TENM3: variants seen among roughly 807,000 people sequenced by gnomAD.
TENM3 encodes teneurin-3.
Under a neutral mutation model 255.1 loss-of-function variants are expected in TENM3, and 63 were observed. That is an observed-to-expected ratio of 0.25 (90% CI 0.20 to 0.30). TENM3 has a LOEUF of 0.30. Ranked by LOEUF, TENM3 falls within the 10% of genes least tolerant of loss-of-function variation. The probability of loss-of-function intolerance (pLI) is 1.00; values close to 1 mark genes in which losing one functional copy is unlikely to be tolerated. For missense variants in TENM3, 2,929 were observed against 3,461.1 expected, an observed-to-expected ratio of 0.85 and a Z score of 3.86; for synonymous variants, 1,306 against 1,322.3, an observed-to-expected ratio of 0.99 and a Z score of 0.27.
the TENM3 span, among the ~76,000 whole-genome samples, chr4:182,003,569 C>A: frequency 6.6e-6 from 1 of 151,968 alleles, no homozygotes; most frequent in African/African-American, 2.4e-5. Flanking sequence ...TTTTTGCAAG[C>A]AGATGCTTGA....
At chr4:181,916,157 A>G in the TENM3 span, among the ~76,000 whole-genome samples, 72 of 152,058 alleles carry the variant, frequency 4.7e-4, no homozygotes, top group Non-Finnish European at 1.0e-4. Context: ...CCCTTGGGAA[A>G]TGCCCCACTT....
intron 3 of TENM3, among the ~76,000 whole-genome samples, chr4:182,545,410 A>G (rs10019626): frequency 0.034 from 5,218 of 151,678 alleles, 288 homozygotes; most frequent in African/African-American, 0.12. Flanking sequence ...GCCACTCTCC[A>G]TTACCTCTTG....
chr4:182,731,177 A>T, intron 16 of TENM3, 38 bp downstream of exon 16: 1 of 1,592,922 alleles, frequency 6.3e-7, no homozygotes, highest in Non-Finnish European at 8.6e-7. Flanking sequence ...TAAATACAAG[A>T]TCTTCAGATC....
chr4:182,400,212 G>A (rs1769130607), intron 3 of TENM3, among the ~76,000 whole-genome samples: 2 of 152,160 alleles, frequency 1.3e-5, no homozygotes, highest in East Asian at 1.9e-4. Flanking sequence ...CAGAACACAC[G>A]TACAATTTTC....
At chr4:182,446,445 T>C (rs1040337222) in intron 3 of TENM3, among the ~76,000 whole-genome samples, 5 of 152,228 alleles carry the variant, frequency 3.3e-5, no homozygotes, top group Non-Finnish European at 4.4e-5. Context: ...AGGATCAGTC[T>C]TCTTGAGATT....
In TENM3 at chr4:182,173,720, A is replaced by C. The variant is rs370600777; in HGVS notation, c.-76+28966A>C. ...CGTGAACTTGACACTGGGGTTGGAA[A>C]TGAGTCCTGAGATATGGGAAATAGA... On this transcript the variant is annotated intron_variant, in intron 1 of 2. Coordinates refer to the TENM3 transcript ENST00000512480. Among the ~76,000 whole-genome samples the C allele has an allele frequency of 5.9e-5, 9 of 152,326 alleles. 1 individual carries two copies. The South Asian group carries it at 1.4e-3, about 25-fold the overall frequency.
chr4:182,335,980 C>T (rs747477885), intron 2 of TENM3, among the ~76,000 whole-genome samples: 7 of 152,146 alleles, frequency 4.6e-5, no homozygotes, highest in Non-Finnish European at 7.3e-5. Context: ...TTCTACATCC[C>T]TACTATACAG....
At chr4:182,327,148 A>G (rs542301842) in intron 2 of TENM3, among the ~76,000 whole-genome samples, 53 of 152,292 alleles carry the variant, frequency 3.5e-4, no homozygotes, top group African/African-American at 1.1e-3. Flanking sequence ...ACAAATGTCA[A>G]TTTTTTCTCA....
At chr4:182,407,071 G>A (rs564517201) in intron 3 of TENM3, among the ~76,000 whole-genome samples, 15 of 152,114 alleles carry the variant, frequency 9.9e-5, no homozygotes, top group Non-Finnish European at 1.5e-4. Flanking sequence ...TCCATGGTTC[G>A]ACTGTAAAAT....
chr4:182,105,950 G>A, the TENM3 span, among the ~76,000 whole-genome samples: 15 of 152,302 alleles, frequency 9.8e-5, no homozygotes, highest in East Asian at 3.9e-4. Context: ...TGCATGTAAC[G>A]AAACTGCACT....
At chr4:182,202,070 A>G (rs1332502214) in intron 1 of TENM3, among the ~76,000 whole-genome samples, 1 of 152,166 alleles carries the variant, frequency 6.6e-6, no homozygotes, top group African/African-American at 2.4e-5. Context: ...TCATTCAACA[A>G]AGGAAACAAG....
the TENM3 span, among the ~76,000 whole-genome samples, chr4:181,627,463 C>A: frequency 5.9e-5 from 9 of 152,092 alleles, no homozygotes; most frequent in Non-Finnish European, 5.9e-5. Context: ...TTAGGTATAT[C>A]TCCTAATGTT....
chr4:182,573,447 A>T (rs1744605062), intron 3 of TENM3, among the ~76,000 whole-genome samples: 2 of 152,196 alleles, frequency 1.3e-5, no homozygotes, highest in South Asian at 4.1e-4. Context: ...CAAATCCCTC[A>T]CATCATATTT....
chr4:182,594,683 G>GGGGTGT (rs1289744680), intron 3 of TENM3, among the ~76,000 whole-genome samples: 1 of 138,166 alleles, frequency 7.2e-6, no homozygotes, highest in African/African-American at 2.8e-5. Context: ...TTTTTGTTTT[G>GGGGTGT]GTGTGTGTGT....
At chr4:181,694,777 C>T in the TENM3 span, among the ~76,000 whole-genome samples, 121,312 of 152,128 alleles carry the variant, frequency 0.8, 48,575 homozygotes, top group Admixed American at 0.88. Flanking sequence ...CAACTTTCTC[C>T]CTTATTCGGT....
At chr4:181,758,648 G>A in the TENM3 span, among the ~76,000 whole-genome samples, 1 of 152,150 alleles carries the variant, frequency 6.6e-6, no homozygotes, top group Non-Finnish European at 1.5e-5. Flanking sequence ...GAATCACTGC[G>A]ATTTTTGTAT....
In TENM3 at chr4:182,680,588, G is replaced by T. The variant is rs781450304; in HGVS notation, c.1685G>T (p.Gly562Val). 2 of 1,613,804 alleles carry T rather than the reference G, an allele frequency of 1.2e-6. No individual in the cohort carries two copies. Among genetic ancestry groups the T allele is most frequent in the South Asian group, 2.2e-5 (2 of 91,056 alleles). ...LCSGNGQYSK[G>V]RCLCFSGWKG... is the part of the protein sequence containing the mutation. ...AGTGGCAACGGGCAGTACTCCAAGG[G>T]CCGCTGCCTGTGTTTCAGCGGCTGG... Residue 562 changes from glycine (G) to valine (V), a missense_variant, in exon 10 of 28, where the codon GGC becomes GTC. Gly to Val is a moderately radical substitution (Grantham distance 109). Around this residue, in one of 6 missense-constraint regions of TENM3, gnomAD observed 1,608 missense variants for 1,884.4 expected, o/e 0.85. Transcript: ENST00000511685.
intron 22 of TENM3, among the ~76,000 whole-genome samples, chr4:182,759,076 G>C (rs916010603): frequency 2.0e-5 from 3 of 152,148 alleles, no homozygotes; most frequent in Admixed American, 6.5e-5. Flanking sequence ...TCCTTCCAAA[G>C]AAATTTTAAA....
At chr4:182,781,742 G>A (rs1360587503) in intron 24 of TENM3, among the ~76,000 whole-genome samples, 1 of 146,906 alleles carries the variant, frequency 6.8e-6, no homozygotes, top group African/African-American at 2.5e-5. Flanking sequence ...TCCTGTTATT[G>A]GTCTATTCAG....
Sources: allele counts gnomAD v4.1 joint callset (sites outside exome capture counted in the v4.1 genomes callset), GRCh38; gene constraint gnomAD v4.1.1; regional missense constraint gnomAD v4.1.1; transcripts MANE v1.5; gene names NCBI Gene and HGNC (gene_info 2026-07-23, HGNC 2026-07-21).